Variants in MYT1L observed in about 807,000 individuals in gnomAD.
MYT1L encodes the protein myelin transcription factor 1-like protein.
In MYT1L, 12 loss-of-function variants were observed where a neutral mutation model predicts 126.7. That is an observed-to-expected ratio of 0.09 (90% CI 0.06 to 0.15). The LOEUF (loss-of-function observed/expected upper bound fraction) is 0.15. Ranked by LOEUF, MYT1L falls within the 10% of genes least tolerant of loss-of-function variation. The pLI is 1.00. For missense variants in MYT1L, 979 were observed against 1,585.2 expected (o/e 0.62, Z 6.49); for synonymous variants, 541 against 604.2 (o/e 0.90, Z 1.53).
At chr2:2,154,939 C>G (rs1317539545) in intron 3 of MYT1L, among the ~76,000 whole-genome samples, 1 of 152,128 alleles carries the variant, frequency 6.6e-6, no homozygotes, top group East Asian at 1.9e-4. Context: ...CCAGCCTGAC[C>G]AACATGGAGA....
intron 3 of MYT1L, among the ~76,000 whole-genome samples, chr2:2,164,848 A>G (rs983036611): frequency 6.6e-5 from 10 of 152,214 alleles, no homozygotes; most frequent in African/African-American, 2.4e-4. Context: ...CAAGTTTCCA[A>G]ACACAGTGTC....
chr2:1,879,662 G>A (rs574146693), intron 18 of MYT1L, among the ~76,000 whole-genome samples: 3 of 152,120 alleles, frequency 2.0e-5, no homozygotes, highest in Admixed American at 2.0e-4. Context: ...TAATATATGT[G>A]TATATATATT....
chr2:2,057,365 C>G (rs2069731183), intron 3 of MYT1L, among the ~76,000 whole-genome samples: 1 of 151,702 alleles, frequency 6.6e-6, no homozygotes, highest in Non-Finnish European at 1.5e-5. Flanking sequence ...TCCTGTTCAT[C>G]ACCAAGTTCA....
rs756378081 is a variant in MYT1L at position 1,922,998 on chromosome 2, A to G, written c.771T>C (p.Val257=). 12 of 1,614,042 alleles carry G rather than the reference A, an allele frequency of 7.4e-6. No individual in the cohort carries two copies. In the Admixed American group the frequency reaches 1.2e-4, roughly 16 times the overall value. The change falls in exon 10 of 25, where the codon GTT becomes GTC. Residue 257 remains valine (V), a synonymous_variant. Coordinates refer to ENST00000647738, the MANE Select transcript of MYT1L (RefSeq NM_001303052.2). The surrounding 1 kb of genome is among the most constrained non-coding windows in gnomAD (Gnocchi z 7.4). The part of the protein sequence containing the change: ...SELSLDLDSD[V]VRETVDSLKL... ...TAAGGGAGTCCACTGTTTCTCTAACAACATCACTGTCTAAGTCTAAACTCA... is the reference window on the plus strand; with the variant it reads ...TAAGGGAGTCCACTGTTTCTCTAACGACATCACTGTCTAAGTCTAAACTCA...
intron 2 of MYT1L, among the ~76,000 whole-genome samples, chr2:2,218,111 C>T (rs1031194477): frequency 1.3e-5 from 2 of 152,162 alleles, no homozygotes; most frequent in Non-Finnish European, 2.9e-5. Context: ...AGCTCATATA[C>T]TGCAGGTGGG....
chr2:2,253,274 C>T (rs2094706361), intron 2 of MYT1L, among the ~76,000 whole-genome samples: 1 of 152,268 alleles, frequency 6.6e-6, no homozygotes, highest in South Asian at 2.1e-4. Flanking sequence ...AGCCTCCCTT[C>T]TCTGGGAACA....
chr2:1,866,446 GAGAGAGAGAGAGGC>G (rs906653228), intron 18 of MYT1L, among the ~76,000 whole-genome samples: 4 of 145,172 alleles, frequency 2.8e-5, no homozygotes, highest in African/African-American at 7.4e-5. Flanking sequence ...GAGAGTGGGA[GAGAGAGAGAGAGGC>G]AGAGAGAGAG....
rs2056887913 is a variant in MYT1L, at chr2:1,943,425, C to A, written c.153-91G>T. 2.2e-6 allele frequency: 3 copies of A among 1,379,992 alleles called. No homozygotes were observed. Among genetic ancestry groups the A allele is most frequent in the Non-Finnish European group, 2.9e-6 (3 of 1,045,006 alleles). 85.5% of individuals were successfully genotyped at this position (1,379,992 alleles called of 1,614,324 possible). A position where few individuals can be genotyped will look rare whatever the true frequency, so the allele number is the denominator to read the frequency against. ...AAATCAGACCAATGGGGGCCTTGAT[C>A]AAGGTACTTAAAGGCTTATCATGAA... On this transcript the variant is annotated intron_variant, in intron 8 of 24. Transcript: ENST00000647738. The surrounding 1 kb of genome is among the most constrained non-coding windows in gnomAD (Gnocchi z 4.4).
intron 4 of MYT1L, among the ~76,000 whole-genome samples, chr2:2,027,520 AATAGCGTT>A (rs2065774693): frequency 6.6e-6 from 1 of 152,228 alleles, no homozygotes; most frequent in African/African-American, 2.4e-5. Flanking sequence ...CAACGTGTAG[AATAGCGTT>A]GTCAAGATTA....
chr2:1,950,485 A>G (rs1459801415), intron 8 of MYT1L, among the ~76,000 whole-genome samples: 5 of 152,086 alleles, frequency 3.3e-5, no homozygotes, highest in African/African-American at 1.2e-4. Flanking sequence ...GAGGCTTCAC[A>G]GGGGACCAAG....
At chr2:1,816,343 G>C (rs1429937482) in intron 21 of MYT1L, 1 of 152,702 alleles carries the variant, frequency 6.5e-6, no homozygotes. Context: ...AGGCCCCGCG[G>C]ATAGCAGTTG....
intron 3 of MYT1L, among the ~76,000 whole-genome samples, chr2:2,169,181 C>T (rs2089628736): frequency 6.6e-6 from 1 of 152,196 alleles, no homozygotes; most frequent in Non-Finnish European, 1.5e-5. Context: ...GTCTGACATC[C>T]TATAACTTTC....
chr2:2,282,716 T>C (rs796928692), intron 2 of MYT1L, among the ~76,000 whole-genome samples: 4 of 152,360 alleles, frequency 2.6e-5, no homozygotes, highest in African/African-American at 9.6e-5. Context: ...TGATGAAGTA[T>C]ATTTCAGTGT....
chr2:2,294,889 C>G (rs1052638800), intron 1 of MYT1L, among the ~76,000 whole-genome samples: 1 of 152,202 alleles, frequency 6.6e-6, no homozygotes, highest in African/African-American at 2.4e-5. Flanking sequence ...AAGAAGCTAA[C>G]ATTCCGGGTG....
intron 4 of MYT1L, among the ~76,000 whole-genome samples, chr2:2,018,458 C>T (rs1031205545): frequency 2.0e-5 from 3 of 152,154 alleles, no homozygotes; most frequent in Non-Finnish European, 2.9e-5. Flanking sequence ...CTTAGCAACC[C>T]ATGGGCCAAT....
At chr2:2,070,737 T>C (rs2074503645) in intron 3 of MYT1L, among the ~76,000 whole-genome samples, 1 of 152,238 alleles carries the variant, frequency 6.6e-6, no homozygotes, top group Admixed American at 6.5e-5. Context: ...AAATCATTGA[T>C]GTAAATATTC....
chr2:1,889,387 G>A lies in MYT1L; in HGVS notation c.2374C>T (p.Pro792Ser). Residue 792 changes from proline to serine, a missense_variant, in exon 16 of 25, where the codon CCT becomes TCT. By Grantham distance (74) the Pro-to-Ser change is moderately conservative. This residue lies in a region of MYT1L where 141 missense variants were observed against 170.6 expected (regional missense o/e 0.83). Coordinates refer to ENST00000647738, the MANE Select transcript of MYT1L (RefSeq NM_001303052.2). This position sits in a 1 kb window ranked among gnomAD's most constrained non-coding sequence, Gnocchi z 4.1. ...PRDSCCPILT[P>S]LEPMSPQQQA... Reference sequence around the variant, plus strand: ...TGCTGGGGGGACATGGGCTCCAGAGGGGTCAGGATGGGGCAGCAGCTGTCC... The same window carrying A: ...TGCTGGGGGGACATGGGCTCCAGAGAGGTCAGGATGGGGCAGCAGCTGTCC... 6.2e-7 allele frequency: 1 copy of A among 1,613,940 alleles called. No individual in the cohort carries two copies. Among genetic ancestry groups the A allele is most frequent in the Non-Finnish European group, 8.5e-7 (1 of 1,179,902 alleles).
At chr2:2,303,301 T>C (rs1180992339) in intron 1 of MYT1L, among the ~76,000 whole-genome samples, 1 of 152,214 alleles carries the variant, frequency 6.6e-6, no homozygotes, top group Non-Finnish European at 1.5e-5. Context: ...CCGAGCCCTG[T>C]AACTCTTGTC....
chr2:2,295,647 TAGAG>T (rs2095669696), intron 1 of MYT1L, among the ~76,000 whole-genome samples: 2 of 21,738 alleles, frequency 9.2e-5, no homozygotes, highest in African/African-American at 4.8e-4. Context: ...GAGAGAGAGA[TAGAG>T]AGACAGACAG....
Sources: gnomAD v4.1 joint callset for allele counts (sites outside exome capture counted in the v4.1 genomes callset) on GRCh38, gnomAD v4.1.1 for gene constraint, gnomAD v4.1.1 regional missense constraint, Gnocchi (gnomAD v3.1) non-coding constraint, MANE v1.5 for transcripts, NCBI Gene and HGNC (gene_info 2026-07-23, HGNC 2026-07-21) for gene names.